Variants in CCDC192 observed in about 807,000 individuals in gnomAD.
CCDC192 encodes coiled-coil domain containing 192.
intron 6 of CCDC192, among the ~76,000 whole-genome samples, chr5:127,903,665 C>T (rs1201768468): frequency 1.3e-5 from 2 of 152,058 alleles, no homozygotes; most frequent in African/African-American, 2.4e-5. Context: ...AATCATATAG[C>T]CTGAGAACAG....
In CCDC192 at chr5:127,922,403, T is replaced by A. The variant is rs566244596; in HGVS notation, c.536-18779T>A. ...ACTCGTCTTCCTGATTTCCTTTCAT[T>A]TCTGTTATAAATCGCAATGCTTAAG... On this transcript the variant is annotated intron_variant, in intron 6 of 6. Coordinates refer to ENST00000514853, the MANE Select transcript of CCDC192 (RefSeq NM_001317938.2). Among the ~76,000 whole-genome samples the A allele has an allele frequency of 2.0e-5, 3 of 152,338 alleles. No homozygotes were observed. The East Asian group carries it at 5.8e-4, about 29-fold the overall frequency.
At chr5:127,812,236 A>G (rs1698063511) in intron 5 of CCDC192, among the ~76,000 whole-genome samples, 2 of 152,182 alleles carry the variant, frequency 1.3e-5, no homozygotes, top group South Asian at 2.1e-4. Flanking sequence ...AAACAACAAA[A>G]CCAGCATACA....
chr5:127,787,023 G>A (rs975370774), intron 3 of CCDC192: 2 of 321,970 alleles, frequency 6.2e-6, no homozygotes, highest in Admixed American at 7.3e-5. Flanking sequence ...TGGGGGTTCT[G>A]GCTCCGGATT....
chr5:127,916,959 A>G (rs1753538043), intron 6 of CCDC192, among the ~76,000 whole-genome samples: 1 of 152,204 alleles, frequency 6.6e-6, no homozygotes, highest in Non-Finnish European at 1.5e-5. Context: ...CCTAGATGGC[A>G]TCTTCTTCCA....
chr5:127,905,767 A>G (rs970816919), intron 6 of CCDC192, among the ~76,000 whole-genome samples: 2 of 152,212 alleles, frequency 1.3e-5, no homozygotes, highest in African/African-American at 2.4e-5. Context: ...AGTATTTTCC[A>G]TTTAATCATC....
At chr5:127,786,689 A>T in intron 3 of CCDC192, 1 of 757,870 alleles carries the variant, frequency 1.3e-6, no homozygotes, top group Non-Finnish European at 2.5e-6. Flanking sequence ...CCCATTGTTG[A>T]GTGTAGAATT....
chr5:127,928,913 C>T (rs1198085650), intron 6 of CCDC192, among the ~76,000 whole-genome samples: 1 of 152,004 alleles, frequency 6.6e-6, no homozygotes, highest in Non-Finnish European at 1.5e-5. Context: ...CTACAGGCAC[C>T]TTGCCACCAC....
chr5:127,756,756 A>T (rs920286375), intron 3 of CCDC192, among the ~76,000 whole-genome samples: 1 of 152,242 alleles, frequency 6.6e-6, no homozygotes, highest in African/African-American at 2.4e-5. Context: ...GCTGTTATCA[A>T]TTTTGTTTCA....
chr5:127,822,017 CT>C (rs1373298464), intron 5 of CCDC192, among the ~76,000 whole-genome samples: 1 of 152,214 alleles, frequency 6.6e-6, no homozygotes, highest in Non-Finnish European at 1.5e-5. Context: ...CTACTGAACT[CT>C]GGCATTTTCC....
intron 3 of CCDC192, chr5:127,786,036 T>C: frequency 1.6e-6 from 1 of 632,372 alleles, no homozygotes; most frequent in Non-Finnish European, 2.9e-6. Context: ...TCTCCAGCAG[T>C]TTTTTCAATT....
At chr5:127,900,639 A>G (rs1753011977) in intron 6 of CCDC192, among the ~76,000 whole-genome samples, 1 of 152,220 alleles carries the variant, frequency 6.6e-6, no homozygotes, top group African/African-American at 2.4e-5. Flanking sequence ...TCAAAAAGAC[A>G]AAAGAGAAAA....
intron 2 of CCDC192, among the ~76,000 whole-genome samples, chr5:127,749,018 T>C (rs1753956970): frequency 6.6e-6 from 1 of 152,198 alleles, no homozygotes; most frequent in Non-Finnish European, 1.5e-5. Context: ...GCTGAGACAA[T>C]GGGGTTCTCT....
intron 2 of CCDC192, among the ~76,000 whole-genome samples, chr5:127,728,538 T>C (rs2126811580): frequency 6.6e-6 from 1 of 152,308 alleles, no homozygotes; most frequent in South Asian, 2.1e-4. Context: ...CAGGAGCTCC[T>C]GAAGGAAGCA....
At chr5:127,896,398 C>T (rs1463453734) in intron 6 of CCDC192, among the ~76,000 whole-genome samples, 1 of 151,952 alleles carries the variant, frequency 6.6e-6, no homozygotes, top group Non-Finnish European at 1.5e-5. Context: ...TGAAAATTTC[C>T]CACTTGTAGC....
chr5:127,726,471 C>T (rs1297221190), intron 2 of CCDC192, among the ~76,000 whole-genome samples: 1 of 152,202 alleles, frequency 6.6e-6, no homozygotes, highest in African/African-American at 2.4e-5. Context: ...AGCCCCAGTA[C>T]ACAATCTCTT....
In CCDC192 at chr5:127,912,419, C is replaced by CAAA. The variant is rs60854127; in HGVS notation, c.536-28744_536-28742dup. On this transcript the variant is annotated intron_variant, in intron 6 of 6. Coordinates refer to ENST00000514853, the MANE Select transcript of CCDC192 (RefSeq NM_001317938.2). ...AGTGAGAATAGATTCCTGGGTTTAG[C>CAAA]AAAAAAAAAAAAAAAAAAAAATGAA... Among the ~76,000 whole-genome samples, 170 of 81,422 alleles carry CAAA rather than the reference C, an allele frequency of 2.1e-3. 10 individuals carry two copies. Among genetic ancestry groups the CAAA allele is most frequent in the South Asian group, 0.016 (33 of 2,050 alleles). The allele number at this position is 81,422 out of a possible 152,430, so 53.4% of individuals were successfully genotyped here. A position where few individuals can be genotyped will look rare whatever the true frequency, so the allele number is the denominator to read the frequency against.
chr5:127,884,631 T>A (rs539671659), intron 6 of CCDC192, among the ~76,000 whole-genome samples: 1 of 152,118 alleles, frequency 6.6e-6, no homozygotes, highest in Non-Finnish European at 1.5e-5. Flanking sequence ...TGGGATATTA[T>A]CCTGGACCAC....
At chr5:127,837,778 GGGAGAT>G (rs1278743284) in intron 5 of CCDC192, among the ~76,000 whole-genome samples, 2 of 152,052 alleles carry the variant, frequency 1.3e-5, no homozygotes, top group African/African-American at 4.8e-5. Flanking sequence ...TCATGAGGTC[GGGAGAT>G]GGAGACCATC....
chr5:127,933,359 C>G (rs1211292636), intron 6 of CCDC192, among the ~76,000 whole-genome samples: 1 of 152,112 alleles, frequency 6.6e-6, no homozygotes, highest in Non-Finnish European at 1.5e-5. Flanking sequence ...AGAGAAGAAG[C>G]TATTGCGATA....
Sources: gnomAD v4.1 joint callset for allele counts (sites outside exome capture counted in the v4.1 genomes callset) on GRCh38, gnomAD v4.1.1 for gene constraint, MANE v1.5 for transcripts, NCBI Gene and HGNC (gene_info 2026-07-23, HGNC 2026-07-21) for gene names.